ATRN: variants seen among roughly 807,000 people sequenced by gnomAD.
ATRN encodes attractin-2.
Under a neutral mutation model 178.7 loss-of-function variants are expected in ATRN, and 54 were observed. The observed-to-expected ratio is 0.30, with a 90% CI of 0.24 to 0.38. The LOEUF is 0.38. ATRN is among the 10% of genes least tolerant of loss of function. The pLI, the probability that ATRN is intolerant of heterozygous loss-of-function variation, is 1.00. For synonymous variants in ATRN, 636 were observed against 663.0 expected (o/e 0.96, Z 0.63); for missense variants, 1,443 against 1,815.1 (o/e 0.79, Z 3.73).
intron 2 of ATRN, among the ~76,000 whole-genome samples, chr20:3,537,660 A>C (rs1264909396): frequency 3.0e-4 from 39 of 130,602 alleles, no homozygotes; most frequent in South Asian, 7.4e-4. Context: ...ATCCCTCCCC[A>C]CTCCCCCCAC....
At chr20:3,602,030 A>G (rs1290137102) in intron 23 of ATRN, among the ~76,000 whole-genome samples, 1 of 152,182 alleles carries the variant, frequency 6.6e-6, no homozygotes, top group Non-Finnish European at 1.5e-5. Context: ...AAAGTAGGAT[A>G]GTAAAAACAC....
chr20:3,491,551 A>C (rs1417688082), intron 1 of ATRN, among the ~76,000 whole-genome samples: 1 of 152,152 alleles, frequency 6.6e-6, no homozygotes, highest in Non-Finnish European at 1.5e-5. Context: ...GTGCATCTGC[A>C]CTCAATCGTC....
At chr20:3,501,360 G>A (rs1405197734) in intron 1 of ATRN, among the ~76,000 whole-genome samples, 2 of 152,160 alleles carry the variant, frequency 1.3e-5, no homozygotes, top group African/African-American at 4.8e-5. Context: ...AACCTAGGTA[G>A]CATTGAGCAC....
At chr20:3,510,508 T>G (rs1012574184) in intron 1 of ATRN, among the ~76,000 whole-genome samples, 7 of 152,226 alleles carry the variant, frequency 4.6e-5, no homozygotes, top group Admixed American at 2.6e-4. Flanking sequence ...TTGTACTGCC[T>G]TTCTTTTTCT....
chr20:3,635,232 G>A (rs984021817), intron 26 of ATRN, among the ~76,000 whole-genome samples: 17 of 151,490 alleles, frequency 1.1e-4, no homozygotes, highest in African/African-American at 3.9e-4. Context: ...GGGGGATGAG[G>A]GATAAAATAC....
At chr20:3,509,170 C>G (rs2085087962) in intron 1 of ATRN, among the ~76,000 whole-genome samples, 1 of 152,080 alleles carries the variant, frequency 6.6e-6, no homozygotes, top group Admixed American at 6.6e-5. Flanking sequence ...AAAACTGACT[C>G]AAGATACCAG....
At chr20:3,585,935 G>T (rs958904911) in intron 18 of ATRN, among the ~76,000 whole-genome samples, 1 of 152,110 alleles carries the variant, frequency 6.6e-6, no homozygotes, top group Non-Finnish European at 1.5e-5. Context: ...CAATAAAACA[G>T]GTAATAACAA....
chr20:3,501,505 A>C (rs548216510), intron 1 of ATRN, among the ~76,000 whole-genome samples: 1 of 152,146 alleles, frequency 6.6e-6, no homozygotes, highest in Non-Finnish European at 1.5e-5. Context: ...TTATATCACA[A>C]AACAGGCTAC....
intron 14 of ATRN, among the ~76,000 whole-genome samples, chr20:3,577,309 A>G (rs1164890768): frequency 2.0e-5 from 3 of 152,180 alleles, no homozygotes; most frequent in African/African-American, 4.8e-5. Context: ...GGACTAGACC[A>G]TGATGTCTCA....
intron 1 of ATRN, among the ~76,000 whole-genome samples, chr20:3,476,723 G>A (rs571541329): frequency 1.3e-5 from 2 of 152,234 alleles, no homozygotes; most frequent in East Asian, 1.9e-4. Flanking sequence ...AGCCAGGCAT[G>A]GTGGCGAGCG....
At position 3,561,242 on chromosome 20, in the gene ATRN, G is replaced by T. The variant is rs368446000; in HGVS notation, c.1447+337G>T. Reference sequence around the variant, plus strand: ...GGAGGCTGAGGCAGGAGAATCGCTTGAACCCGGGAGGTGGAGGTTGCAGTG... The same window carrying T: ...GGAGGCTGAGGCAGGAGAATCGCTTTAACCCGGGAGGTGGAGGTTGCAGTG... On this transcript the variant is annotated intron_variant, in intron 8 of 28. Coordinates refer to ENST00000262919, the MANE Select transcript of ATRN (RefSeq NM_139321.3). 3.3e-4 allele frequency among the ~76,000 whole-genome samples: 50 copies of T among 152,312 alleles called. No homozygotes were observed. In the South Asian group the frequency reaches 0.01, roughly 31 times the overall value.
chr20:3,504,558 G>A (rs1478839822), intron 1 of ATRN, among the ~76,000 whole-genome samples: 1 of 149,946 alleles, frequency 6.7e-6, no homozygotes, highest in African/African-American at 2.4e-5. Context: ...GGTGGCAGAT[G>A]CCTGTAACCC....
chr20:3,575,218 T>C (rs2086191021), intron 12 of ATRN, among the ~76,000 whole-genome samples: 2 of 152,216 alleles, frequency 1.3e-5, no homozygotes, highest in Non-Finnish European at 2.9e-5. Flanking sequence ...CGCCTCGGCC[T>C]CCCGAAGTGC....
chr20:3,475,704 T>A (rs1013992919), intron 1 of ATRN, among the ~76,000 whole-genome samples: 10 of 152,206 alleles, frequency 6.6e-5, no homozygotes, highest in Non-Finnish European at 2.9e-5. Flanking sequence ...TCTTTTAAGT[T>A]CCTGCTGTAG....
chr20:3,492,209 G>T (rs543502008), intron 1 of ATRN, among the ~76,000 whole-genome samples: 1 of 144,754 alleles, frequency 6.9e-6, no homozygotes, highest in Non-Finnish European at 1.5e-5. Context: ...GTGTGTATCC[G>T]TTCTCTGGGC....
chr20:3,546,526 G>A (rs957939190), intron 4 of ATRN, among the ~76,000 whole-genome samples: 1 of 151,410 alleles, frequency 6.6e-6, no homozygotes, highest in African/African-American at 2.4e-5. Flanking sequence ...TGAGTAACTG[G>A]GATTACAGGC....
chr20:3,568,506 C>CT (rs1229625518), intron 11 of ATRN, among the ~76,000 whole-genome samples: 1 of 57,744 alleles, frequency 1.7e-5, no homozygotes, highest in East Asian at 3.3e-3. Flanking sequence ...GAGTGAGACC[C>CT]TAACTCAAAA....
chr20:3,497,493 A>G (rs1478204488), intron 1 of ATRN, among the ~76,000 whole-genome samples: 2 of 151,312 alleles, frequency 1.3e-5, no homozygotes, highest in African/African-American at 4.9e-5. Flanking sequence ...ATTGGCCCCC[A>G]CTCTCTTCTG....
At chr20:3,512,107 A>ATATTTTTTTT in intron 1 of ATRN, among the ~76,000 whole-genome samples, 1 of 106,386 alleles carries the variant, frequency 9.4e-6, no homozygotes, top group African/African-American at 4.4e-5. Context: ...ATATATATAT[A>ATATTTTTTTT]TTTTTTTTTT....
Sources: allele counts gnomAD v4.1 joint callset (sites outside exome capture counted in the v4.1 genomes callset), GRCh38; gene constraint gnomAD v4.1.1; transcripts MANE v1.5; gene names NCBI Gene and HGNC (gene_info 2026-07-23, HGNC 2026-07-21).